VEPH1: variants seen among roughly 807,000 people sequenced by gnomAD.
The protein encoded by VEPH1 is ventricular zone-expressed PH domain-containing protein homolog 1.
VEPH1 carries 80 observed loss-of-function variants against 85.2 expected under a neutral mutation model. That is an observed-to-expected ratio of 0.94 (90% CI 0.78 to 1.13). The LOEUF (loss-of-function observed/expected upper bound fraction) is 1.13. Ranked by LOEUF, VEPH1 falls within the 50% of genes most tolerant of loss-of-function variation. The probability of loss-of-function intolerance (pLI) is 0.00; values close to 1 mark genes in which losing one functional copy is unlikely to be tolerated. For synonymous variants in VEPH1, 297 were observed against 348.0 expected (o/e 0.85, Z 1.63); for missense variants, 955 against 980.5 (o/e 0.97, Z 0.35).
intron 11 of VEPH1, among the ~76,000 whole-genome samples, chr3:157,297,689 G>C (rs1241005006): frequency 6.6e-6 from 1 of 151,996 alleles, no homozygotes; most frequent in Non-Finnish European, 1.5e-5. Flanking sequence ...GAAATGGGAT[G>C]GCATAAGGCA....
At chr3:157,426,152 T>C (rs1172950546) in intron 5 of VEPH1, among the ~76,000 whole-genome samples, 1 of 152,232 alleles carries the variant, frequency 6.6e-6, no homozygotes, top group African/African-American at 2.4e-5. Context: ...TGGGTATATC[T>C]TTATCAGCAG....
At chr3:157,410,262 C>T (rs1731430442) in intron 6 of VEPH1, among the ~76,000 whole-genome samples, 1 of 152,128 alleles carries the variant, frequency 6.6e-6, no homozygotes, top group African/African-American at 2.4e-5. Flanking sequence ...CCCAAAATCC[C>T]CATGCCTTAT....
chr3:157,351,463 G>A (rs1288981324), intron 9 of VEPH1, among the ~76,000 whole-genome samples: 1 of 151,224 alleles, frequency 6.6e-6, no homozygotes, highest in Non-Finnish European at 1.5e-5. Context: ...CAAAGTGCTG[G>A]GATTACAGGC....
chr3:157,477,513 C>G (rs1159129532), intron 2 of VEPH1, among the ~76,000 whole-genome samples: 1 of 152,120 alleles, frequency 6.6e-6, no homozygotes, highest in East Asian at 1.9e-4. Flanking sequence ...CAGCCTACCA[C>G]AGAGATGATG....
At position 157,439,246 on chromosome 3, in the gene VEPH1, G is replaced by T. The variant is rs34709101; in HGVS notation, c.530-10758C>A. Among the ~76,000 whole-genome samples, 9 of 152,288 alleles carry T rather than the reference G, an allele frequency of 5.9e-5. No homozygotes were observed. In the South Asian group the frequency reaches 1.7e-3, roughly 28 times the overall value. ...CATATAATGCACCTGAAAAACCGAA[G>T]AATTACTCTATTTTTTATCTTCATC... On this transcript the variant is annotated intron_variant, in intron 4 of 13. Coordinates refer to ENST00000362010, the MANE Select transcript of VEPH1 (RefSeq NM_001167912.2).
chr3:157,477,639 G>C (rs1213648216), intron 2 of VEPH1, among the ~76,000 whole-genome samples: 1 of 152,074 alleles, frequency 6.6e-6, no homozygotes, highest in Non-Finnish European at 1.5e-5. Flanking sequence ...TCACAAAAGA[G>C]GCAATAAAAC....
chr3:157,424,629 A>C (rs909551612), intron 5 of VEPH1, among the ~76,000 whole-genome samples: 1 of 152,182 alleles, frequency 6.6e-6, no homozygotes, highest in Non-Finnish European at 1.5e-5. Context: ...ACTACAGCAA[A>C]GGTGACGCTT....
At chr3:157,339,416 T>C (rs1487318368) in intron 9 of VEPH1, among the ~76,000 whole-genome samples, 2 of 152,202 alleles carry the variant, frequency 1.3e-5, no homozygotes, top group Non-Finnish European at 2.9e-5. Context: ...TGCATGGATT[T>C]CTGTGCCCTG....
At chr3:157,346,936 T>A (rs1724293592) in intron 9 of VEPH1, among the ~76,000 whole-genome samples, 1 of 152,188 alleles carries the variant, frequency 6.6e-6, no homozygotes, top group African/African-American at 2.4e-5. Flanking sequence ...ATTAAATCCT[T>A]TTATTTATAT....
At chr3:157,406,569 C>T (rs1731152375) in intron 6 of VEPH1, among the ~76,000 whole-genome samples, 1 of 147,252 alleles carries the variant, frequency 6.8e-6, no homozygotes, top group African/African-American at 2.6e-5. Context: ...ATGAACACGC[C>T]CTGGTGCTTG....
At chr3:157,326,926 G>C (rs1418018403) in intron 9 of VEPH1, among the ~76,000 whole-genome samples, 1 of 152,214 alleles carries the variant, frequency 6.6e-6, no homozygotes, top group Non-Finnish European at 1.5e-5. Context: ...TCTTTCCTCT[G>C]TTATGGAGTA....
At chr3:157,423,915 T>G (rs759347888) in intron 5 of VEPH1, among the ~76,000 whole-genome samples, 6 of 152,168 alleles carry the variant, frequency 3.9e-5, no homozygotes, top group Non-Finnish European at 7.4e-5. Flanking sequence ...AAGCATTGAT[T>G]TTTTTTTCAA....
intron 12 of VEPH1, among the ~76,000 whole-genome samples, chr3:157,271,943 A>G (rs1714611821): frequency 6.6e-6 from 1 of 152,238 alleles, no homozygotes; most frequent in South Asian, 2.1e-4. Flanking sequence ...GGTAAGTGGT[A>G]ATATCAGCCA....
chr3:157,474,934 A>G (rs187720894), intron 2 of VEPH1, among the ~76,000 whole-genome samples: 2 of 152,088 alleles, frequency 1.3e-5, no homozygotes, highest in Non-Finnish European at 2.9e-5. Flanking sequence ...TTTATAGTCA[A>G]GTAAATCATT....
chr3:157,438,035 GCGCACACACACACACA>G (rs1020174177), intron 4 of VEPH1: 5 of 701,924 alleles, frequency 7.1e-6, no homozygotes, highest in African/African-American at 5.9e-5. Flanking sequence ...GCGCGCGCGC[GCGCACACACACACACA>G]CACACACACA....
chr3:157,303,896 CT>C (rs1467757604), intron 11 of VEPH1, among the ~76,000 whole-genome samples: 57 of 151,936 alleles, frequency 3.8e-4, no homozygotes, highest in Admixed American at 2.8e-3. Flanking sequence ...CCCCTTTCCC[CT>C]CTAGCTTGCC....
chr3:157,291,951 CTATCTCTATA>C (rs1484742065), intron 11 of VEPH1, among the ~76,000 whole-genome samples: 1 of 152,142 alleles, frequency 6.6e-6, no homozygotes, highest in Non-Finnish European at 1.5e-5. Context: ...CTCTATATAT[CTATCTCTATA>C]TATCTGCATA....
intron 10 of VEPH1, among the ~76,000 whole-genome samples, chr3:157,314,517 C>G (rs1720531620): frequency 6.6e-6 from 1 of 151,658 alleles, no homozygotes; most frequent in African/African-American, 2.4e-5. Context: ...AGTGATTTCC[C>G]AAGGATGTTC....
chr3:157,355,036 C>T (rs1725278326), intron 9 of VEPH1, among the ~76,000 whole-genome samples: 1 of 152,182 alleles, frequency 6.6e-6, no homozygotes, highest in African/African-American at 2.4e-5. Context: ...AGGCTGTGCT[C>T]CTTCTTTCCA....
Sources: allele counts gnomAD v4.1 joint callset (sites outside exome capture counted in the v4.1 genomes callset), GRCh38; gene constraint gnomAD v4.1.1; transcripts MANE v1.5; gene names NCBI Gene and HGNC (gene_info 2026-07-23, HGNC 2026-07-21).